PPA2: variants seen among roughly 807,000 people sequenced by gnomAD.
PPA2 encodes inorganic pyrophosphatase 2, mitochondrial.
Under a neutral mutation model 49.5 loss-of-function variants are expected in PPA2, and 48 were observed. That is an observed-to-expected ratio of 0.97 (90% CI 0.77 to 1.23). PPA2 has a LOEUF of 1.23. PPA2 is among the 50% of genes most tolerant of loss of function. The probability of loss-of-function intolerance (pLI) is 0.00; values close to 1 mark genes in which losing one functional copy is unlikely to be tolerated. For synonymous variants in PPA2, 131 were observed against 139.9 expected, an observed-to-expected ratio of 0.94 and a Z score of 0.45; for missense variants, 429 against 410.1, an observed-to-expected ratio of 1.05 and a Z score of -0.40.
At chr4:105,417,611 C>T (rs565425057) in intron 7 of PPA2, among the ~76,000 whole-genome samples, 5 of 151,338 alleles carry the variant, frequency 3.3e-5, no homozygotes, top group African/African-American at 1.2e-4. Context: ...AGCAGGTTCT[C>T]GGTAATTTAA....
At chr4:105,456,240 G>A in intron 2 of PPA2, 1 of 475,590 alleles carries the variant, frequency 2.1e-6, no homozygotes, top group Non-Finnish European at 4.2e-6. Flanking sequence ...ACTAGCTCTG[G>A]CACTTACCAG....
chr4:105,430,637 G>C (rs1022172606), intron 6 of PPA2, among the ~76,000 whole-genome samples: 1 of 152,130 alleles, frequency 6.6e-6, no homozygotes, highest in Non-Finnish European at 1.5e-5. Flanking sequence ...TGTCAAGGTA[G>C]GTTCTCTAAT....
intron 2 of PPA2, among the ~76,000 whole-genome samples, chr4:105,454,637 A>G (rs978043738): frequency 6.6e-6 from 1 of 152,066 alleles, no homozygotes; most frequent in Non-Finnish European, 1.5e-5. Flanking sequence ...CCCAGCCATT[A>G]TTTTTATTCT....
chr4:105,405,342 T>C (rs1327350096), intron 7 of PPA2: 2 of 766,120 alleles, frequency 2.6e-6, no homozygotes, highest in African/African-American at 3.8e-5. Flanking sequence ...AGTTTTTCAC[T>C]TATAGTAAAG....
chr4:105,449,125 G>A (rs1164435287), intron 4 of PPA2, among the ~76,000 whole-genome samples: 3 of 132,922 alleles, frequency 2.3e-5, no homozygotes, highest in Non-Finnish European at 4.6e-5. Context: ...GCTGAGGCAG[G>A]AGAATGGCGT....
chr4:105,437,337 CAAGA>C (rs1205494423), intron 6 of PPA2, among the ~76,000 whole-genome samples: 1 of 151,716 alleles, frequency 6.6e-6, no homozygotes, highest in Non-Finnish European at 1.5e-5. Context: ...CTGCAGAGAA[CAAGA>C]AATAGTAACA....
intron 6 of PPA2, among the ~76,000 whole-genome samples, chr4:105,428,084 ATATC>A (rs1723611876): frequency 6.6e-6 from 1 of 152,210 alleles, no homozygotes; most frequent in African/African-American, 2.4e-5. Context: ...CCAGAATGTC[ATATC>A]CAGGCAAACT....
intron 1 of PPA2, among the ~76,000 whole-genome samples, chr4:105,471,211 C>T (rs1219706318): frequency 2.6e-5 from 4 of 152,128 alleles, no homozygotes; most frequent in African/African-American, 4.8e-5. Flanking sequence ...CTCCTCATTC[C>T]ATGGTTTTAA....
intron 1 of PPA2, among the ~76,000 whole-genome samples, chr4:105,461,546 G>A (rs1396437059): frequency 6.6e-6 from 1 of 152,168 alleles, no homozygotes; most frequent in African/African-American, 2.4e-5. Flanking sequence ...CTTAATGGCA[G>A]TTAGTGAGGG....
At chr4:105,383,580 G>A (rs1200787600) in intron 10 of PPA2, among the ~76,000 whole-genome samples, 4 of 152,056 alleles carry the variant, frequency 2.6e-5, no homozygotes, top group Non-Finnish European at 4.4e-5. Flanking sequence ...TATTTTAAAA[G>A]TACAAAGCAG....
intron 6 of PPA2, among the ~76,000 whole-genome samples, chr4:105,433,536 GTGT>G (rs1208894294): frequency 6.6e-6 from 1 of 152,200 alleles, no homozygotes; most frequent in East Asian, 1.9e-4. Context: ...AGAAGCCACT[GTGT>G]GTTTAGCTCA....
intron 3 of PPA2, among the ~76,000 whole-genome samples, chr4:105,450,236 C>T (rs1722608051): frequency 6.6e-6 from 1 of 152,150 alleles, no homozygotes; most frequent in Non-Finnish European, 1.5e-5. Flanking sequence ...CACTGTACTC[C>T]AAGTGTAGCC....
At chr4:105,469,868 G>A (rs557573666) in intron 1 of PPA2, among the ~76,000 whole-genome samples, 2 of 152,246 alleles carry the variant, frequency 1.3e-5, no homozygotes, top group East Asian at 3.9e-4. Flanking sequence ...ATTATTCACG[G>A]GAAGTTCTCT....
chr4:105,383,037 A>G (rs1733550931), intron 10 of PPA2, among the ~76,000 whole-genome samples: 1 of 152,140 alleles, frequency 6.6e-6, no homozygotes, highest in Non-Finnish European at 1.5e-5. Flanking sequence ...GTGGTCCTGC[A>G]GTTGAACTAT....
At chr4:105,471,455 T>C (rs1239084151) in intron 1 of PPA2, among the ~76,000 whole-genome samples, 1 of 152,240 alleles carries the variant, frequency 6.6e-6, no homozygotes, top group Non-Finnish European at 1.5e-5. Flanking sequence ...GAAAATGTTC[T>C]ACCTCCCAAT....
Position 105,458,236 on chromosome 4 carries a change from G to A in PPA2, c.158-1491C>T, listed in dbSNP as rs554615253. On this transcript the variant is annotated intron_variant, in intron 1 of 11. Coordinates refer to ENST00000341695, the MANE Select transcript of PPA2 (RefSeq NM_176869.3). ...AAATATGATGACTAAATGCAGTCTG[G>A]TATGCTGAACTAGATCCTGGAACAG... Among the ~76,000 whole-genome samples, 27 of 152,248 alleles carry A rather than the reference G, an allele frequency of 1.8e-4. 1 individual carries two copies. The highest frequency in any genetic ancestry group is 5.9e-5 in the Non-Finnish European group (4 of 68,010).
Position 105,474,016 on chromosome 4 carries a change from GC to G in PPA2, c.34del (p.Ala12ProfsTer44). ...SALLRLLRTG[A>X]PAAACLRLGT... is the part of the protein sequence containing the mutation. ...CAACCGCAGGCACGCAGCGGCTGGGGCACCCGTGCGCAGCAGCCGCAGCAGC... is the reference window on the plus strand; with the variant it reads ...CAACCGCAGGCACGCAGCGGCTGGGGACCCGTGCGCAGCAGCCGCAGCAGC... On this transcript the variant is annotated frameshift_variant, in exon 1 of 12. Coordinates refer to ENST00000341695, the MANE Select transcript of PPA2 (RefSeq NM_176869.3). LOFTEE classifies it high-confidence loss of function. 6.2e-7 allele frequency: 1 copy of G among 1,600,536 alleles called. No individual in the cohort carries two copies. The highest frequency in any genetic ancestry group is 8.5e-7 in the Non-Finnish European group (1 of 1,174,134).
intron 9 of PPA2, among the ~76,000 whole-genome samples, chr4:105,393,380 A>T (rs959672376): frequency 6.6e-6 from 1 of 151,398 alleles, no homozygotes; most frequent in Non-Finnish European, 1.5e-5. Flanking sequence ...TGTACTTGGG[A>T]GGCTGAGGTG....
At chr4:105,394,926 A>G (rs887417683) in intron 9 of PPA2, among the ~76,000 whole-genome samples, 1 of 152,150 alleles carries the variant, frequency 6.6e-6, no homozygotes, top group Non-Finnish European at 1.5e-5. Context: ...GACTCATTAC[A>G]CTGGAGTCTT....
Sources: allele counts gnomAD v4.1 joint callset (sites outside exome capture counted in the v4.1 genomes callset), GRCh38; gene constraint gnomAD v4.1.1; transcripts MANE v1.5; gene names NCBI Gene and HGNC (gene_info 2026-07-23, HGNC 2026-07-21).